The following GPHN variants were observed in gnomAD, a reference collection of about 807,000 sequenced individuals.
The protein encoded by GPHN is gephyrin.
A neutral mutation model predicts 95.5 loss-of-function variants in GPHN; 17 were observed. The ratio of observed to expected loss-of-function variants is 0.18; its 90% CI spans 0.12 to 0.27. The LOEUF (loss-of-function observed/expected upper bound fraction) is 0.27. Ranked by LOEUF, GPHN falls within the 10% of genes least tolerant of loss-of-function variation. GPHN has a pLI of 1.00. For synonymous variants in GPHN, 320 were observed against 322.5 expected, an observed-to-expected ratio of 0.99 and a Z score of 0.08; for missense variants, 660 against 978.1, an observed-to-expected ratio of 0.67 and a Z score of 4.34.
At chr14:66,981,144 C>A (rs1319453941) in intron 9 of GPHN, among the ~76,000 whole-genome samples, 1 of 152,196 alleles carries the variant, frequency 6.6e-6, no homozygotes, top group Non-Finnish European at 1.5e-5. Flanking sequence ...CTTCTCACTT[C>A]TTACTCTTTG....
the GPHN span, among the ~76,000 whole-genome samples, chr14:67,605,243 A>G: frequency 6.6e-6 from 1 of 152,216 alleles, no homozygotes; most frequent in South Asian, 2.1e-4. Context: ...AATTTCTCTC[A>G]GCAATGCTTA....
intron 8 of GPHN, among the ~76,000 whole-genome samples, chr14:66,933,767 A>G (rs2066950895): frequency 6.6e-6 from 1 of 152,144 alleles, no homozygotes; most frequent in Non-Finnish European, 1.5e-5. Context: ...GTATTTGCAG[A>G]ATTCTTTCAA....
the GPHN span, chr14:67,392,728 C>T: frequency 1.2e-6 from 2 of 1,614,208 alleles, no homozygotes; most frequent in Non-Finnish European, 8.5e-7. Context: ...GAATGGCTCC[C>T]ATGCTTCGGA....
intron 10 of GPHN, among the ~76,000 whole-genome samples, chr14:67,026,383 TA>T (rs1294882366): frequency 6.6e-6 from 1 of 152,202 alleles, no homozygotes; most frequent in African/African-American, 2.4e-5. Context: ...ATTTTCTTGA[TA>T]ATGATGATGA....
intron 4 of GPHN, among the ~76,000 whole-genome samples, chr14:66,838,047 G>T (rs981957667): frequency 1.3e-5 from 2 of 152,010 alleles, no homozygotes; most frequent in African/African-American, 4.8e-5. Flanking sequence ...GCTCTGTAAT[G>T]GGGCATAAAA....
the GPHN span, chr14:67,343,437 G>A: frequency 1.6e-5 from 25 of 1,596,950 alleles, no homozygotes; most frequent in African/African-American, 2.7e-5. Context: ...AACAAAAGAA[G>A]TCTAAAATAA....
chr14:67,392,360 C>G, the GPHN span: 1 of 1,613,356 alleles, frequency 6.2e-7, no homozygotes, highest in African/African-American at 1.3e-5. Context: ...CACCACCGTG[C>G]CACTTAACTC....
the GPHN span, among the ~76,000 whole-genome samples, chr14:67,526,648 G>A: frequency 2.0e-5 from 3 of 152,088 alleles, no homozygotes; most frequent in Non-Finnish European, 4.4e-5. Flanking sequence ...ACATTTAGAG[G>A]TGACCAAAGC....
chr14:67,431,391 C>CAAAAA, the GPHN span, among the ~76,000 whole-genome samples: 8 of 77,512 alleles, frequency 1.0e-4, 1 homozygote, highest in African/African-American at 1.7e-4. Context: ...GACTCTGTCT[C>CAAAAA]AAAAAAAAAA....
chr14:66,719,414 G>T (rs956550093), intron 2 of GPHN, among the ~76,000 whole-genome samples: 1 of 152,182 alleles, frequency 6.6e-6, no homozygotes, highest in African/African-American at 2.4e-5. Flanking sequence ...AGTTTCCCCA[G>T]TGAGGATGTG....
intron 1 of GPHN, among the ~76,000 whole-genome samples, chr14:66,587,112 CACAA>C (rs2061454356): frequency 6.6e-6 from 1 of 152,050 alleles, no homozygotes; most frequent in South Asian, 2.1e-4. Flanking sequence ...AACAGTTATA[CACAA>C]ACAAATTACA....
chr14:67,314,325 CTT>C, the GPHN span, among the ~76,000 whole-genome samples: 1 of 152,196 alleles, frequency 6.6e-6, no homozygotes, highest in Non-Finnish European at 1.5e-5. Context: ...GCCAAAGAGA[CTT>C]TTCTGGGTAC....
At chr14:67,532,645 G>C in the GPHN span, among the ~76,000 whole-genome samples, 1 of 152,170 alleles carries the variant, frequency 6.6e-6, no homozygotes. Context: ...TTGAGCTCCG[G>C]AGTTCGAGTC....
chr14:67,111,188 C>T (rs1351313360), intron 14 of GPHN, among the ~76,000 whole-genome samples: 1 of 152,160 alleles, frequency 6.6e-6, no homozygotes, highest in East Asian at 1.9e-4. Flanking sequence ...TAAAATTCAA[C>T]CCTTGGCAAA....
the GPHN span, chr14:67,199,701 C>G: frequency 1.9e-6 from 3 of 1,582,332 alleles, no homozygotes; most frequent in East Asian, 4.5e-5. Flanking sequence ...TTTGCAGATG[C>G]ACCTCCTTCA....
chr14:66,888,643 C>A (rs954595989), intron 5 of GPHN, among the ~76,000 whole-genome samples: 4 of 151,436 alleles, frequency 2.6e-5, no homozygotes, highest in African/African-American at 9.7e-5. Context: ...AAATTAAGAA[C>A]AAATGAAGAT....
intron 8 of GPHN, among the ~76,000 whole-genome samples, chr14:66,952,841 C>T (rs928960190): frequency 2.6e-5 from 4 of 151,966 alleles, no homozygotes; most frequent in Non-Finnish European, 4.4e-5. Context: ...ATTACAGGTG[C>T]CCGGCACCAC....
chr14:66,779,044 C>T (rs2059507783), intron 3 of GPHN, among the ~76,000 whole-genome samples: 1 of 151,944 alleles, frequency 6.6e-6, no homozygotes, highest in South Asian at 2.1e-4. Flanking sequence ...CGCCCAGCCT[C>T]AAGGGACATT....
intron 1 of GPHN, among the ~76,000 whole-genome samples, chr14:66,613,678 T>C (rs1276844852): frequency 1.3e-5 from 2 of 152,086 alleles, no homozygotes; most frequent in African/African-American, 4.8e-5. Flanking sequence ...GAAGATTGTA[T>C]ATGTTCTTAT....
Sources: gnomAD v4.1 joint callset for allele counts (sites outside exome capture counted in the v4.1 genomes callset) on GRCh38, gnomAD v4.1.1 for gene constraint, MANE v1.5 for transcripts, NCBI Gene and HGNC (gene_info 2026-07-23, HGNC 2026-07-21) for gene names.